The following TRIB2 variants were observed in gnomAD, a reference collection of about 807,000 sequenced individuals.
TRIB2 encodes tribbles homolog 2.
A neutral mutation model predicts 26.8 loss-of-function variants in TRIB2; 2 were observed. The ratio of observed to expected loss-of-function variants is 0.07; its 90% CI spans 0.03 to 0.24. TRIB2 has a LOEUF of 0.24. Among genes scored for constraint, TRIB2 ranks in the 10% least tolerant of loss-of-function variants. The pLI, the probability that TRIB2 is intolerant of heterozygous loss-of-function variation, is 1.00. For missense variants in TRIB2, 306 were observed against 449.0 expected, an observed-to-expected ratio of 0.68 and a Z score of 2.88; for synonymous variants, 189 against 187.3, an observed-to-expected ratio of 1.01 and a Z score of -0.08.
rs1289860098 is a variant in TRIB2 at position 12,740,584 on chromosome 2, A to G, written c.822A>G (p.Pro274=). Residue 274 remains proline (P), a synonymous_variant, in exon 3 of 3, where the codon CCA becomes CCG. Transcript: ENST00000155926. This position sits in a 1 kb window ranked among gnomAD's most constrained non-coding sequence, Gnocchi z 5.8. ...SKIRRGQFNI[P]ETLSPKAKCL... ...TCCGGCGTGGCCAGTTCAACATTCC[A>G]GAGACTCTGTCGCCCAAGGCCAAGT... The G allele has an allele frequency of 6.2e-7, 1 of 1,614,066 alleles. No individual in the cohort carries two copies. The highest frequency in any genetic ancestry group is 1.3e-5 in the African/African-American group (1 of 74,948).
chr2:12,723,653 C>A, intron 2 of TRIB2, 101 bp downstream of exon 2: 1 of 1,379,520 alleles, frequency 7.2e-7, no homozygotes, highest in Non-Finnish European at 9.8e-7. Flanking sequence ...CGTCTGTGGT[C>A]CAGATGAGGG....
chr2:12,733,441 T>A (rs1402732921), intron 2 of TRIB2, among the ~76,000 whole-genome samples: 1 of 152,234 alleles, frequency 6.6e-6, no homozygotes, highest in Non-Finnish European at 1.5e-5. Flanking sequence ...GACAATGGCG[T>A]TAGAGTCCAG....
Position 12,740,411 on chromosome 2 carries a change from G to C in TRIB2, c.649G>C (p.Ala217Pro). ...CCTCTCCGACAAGCATGGCTGCCCG[G>C]CTTACGTAAGCCCAGAGATCTTGAA... is the stretch of plus-strand genomic sequence containing the variant. ...DSLSDKHGCPAYVSPEILNTS... is the reference protein window; with the variant it reads ...DSLSDKHGCPPYVSPEILNTS... The change falls in exon 3 of 3, where the codon GCT (alanine) becomes CCT (proline). Residue 217 changes from alanine (A) to proline (P), a missense_variant. Coordinates refer to ENST00000155926, the MANE Select transcript of TRIB2 (RefSeq NM_021643.4). This position sits in a 1 kb window ranked among gnomAD's most constrained non-coding sequence, Gnocchi z 5.8. 1 of 1,614,150 alleles carries C rather than the reference G, an allele frequency of 6.2e-7. No individual in the cohort carries two copies. The highest frequency in any genetic ancestry group is 8.5e-7 in the Non-Finnish European group (1 of 1,180,026).
At chr2:12,719,421 T>C (rs1666676118) in intron 1 of TRIB2, among the ~76,000 whole-genome samples, 1 of 152,114 alleles carries the variant, frequency 6.6e-6, no homozygotes, top group African/African-American at 2.4e-5. Context: ...TATATGTGTG[T>C]CTGTGTATCT....
At chr2:12,719,014 G>A (rs1666664854) in intron 1 of TRIB2, among the ~76,000 whole-genome samples, 2 of 152,206 alleles carry the variant, frequency 1.3e-5, no homozygotes. Context: ...CAGCGGGCAG[G>A]TGTTAAACCT....
chr2:12,721,413 C>T (rs987166356), intron 1 of TRIB2, among the ~76,000 whole-genome samples: 9 of 152,184 alleles, frequency 5.9e-5, no homozygotes, highest in African/African-American at 2.2e-4. Context: ...AAGCTGCAAC[C>T]TGGTATTTCA....
In TRIB2 at chr2:12,732,123, T is replaced by C. The variant is rs964836821; in HGVS notation, c.564-8203T>C. Among the ~76,000 whole-genome samples the C allele has an allele frequency of 6.6e-6, 1 of 152,120 alleles. No individual in the cohort carries two copies. Among genetic ancestry groups the C allele is most frequent in the Non-Finnish European group, 1.5e-5 (1 of 68,016 alleles). On this transcript the variant is annotated intron_variant, in intron 2 of 2. Transcript: ENST00000155926. The surrounding 1 kb of genome is among the most constrained non-coding windows in gnomAD (Gnocchi z 4.2). ...TGAAGCCCTGGCGGCCTGCAGGCTG[T>C]GCTTGTGTGGTGTCTGCATGGGGGC... is the stretch of plus-strand genomic sequence containing the variant.
chr2:12,736,266 C>T (rs1180155355), intron 2 of TRIB2, among the ~76,000 whole-genome samples: 1 of 152,026 alleles, frequency 6.6e-6, no homozygotes, highest in African/African-American at 2.4e-5. Context: ...GTGGCAAAGG[C>T]CTCAGAAGGA....
chr2:12,731,268 C>T (rs1484159622), intron 2 of TRIB2, among the ~76,000 whole-genome samples: 1 of 152,080 alleles, frequency 6.6e-6, no homozygotes, highest in East Asian at 1.9e-4. Context: ...AAGCCAGAGG[C>T]ACAAAGAGCC....
Position 12,717,904 on chromosome 2 carries a change from C to A in TRIB2, c.-404C>A. 4.1e-6 allele frequency: 1 copy of A among 242,762 alleles called. No homozygotes were observed. The highest frequency in any genetic ancestry group is 7.9e-6 in the Non-Finnish European group (1 of 126,242). 15.0% of individuals were successfully genotyped at this position (242,762 alleles called of 1,614,324 possible). On this transcript the variant is annotated 5_prime_UTR_variant, in exon 1 of 3. Transcript: ENST00000155926. The surrounding 1 kb of genome is among the most constrained non-coding windows in gnomAD (Gnocchi z 4.8). Reference sequence around the variant, plus strand: ...CAAACTACCGCGGGCTCCTCCGCCCCGTCTGCGATTCGGAAGCCGGCCTGG... The same window carrying A: ...CAAACTACCGCGGGCTCCTCCGCCCAGTCTGCGATTCGGAAGCCGGCCTGG...
In TRIB2 at chr2:12,741,035, T is replaced by G; in HGVS notation, c.*241T>G. 1 of 495,782 alleles carries G rather than the reference T, an allele frequency of 2.0e-6. No individual in the cohort carries two copies. Among genetic ancestry groups the G allele is most frequent in the East Asian group, 3.5e-5 (1 of 28,942 alleles). The allele number at this position is 495,782 out of a possible 1,614,324, so 30.7% of individuals were successfully genotyped here. On this transcript the variant is annotated 3_prime_UTR_variant, in exon 3 of 3. Transcript: ENST00000155926. ...CCGCTGGAGCTTGTCTTCCCTAACA[T>G]AGCCTGGGAGACCACCCCTTGCCAC...
intron 2 of TRIB2, among the ~76,000 whole-genome samples, chr2:12,729,692 T>C (rs753249678): frequency 5.9e-5 from 9 of 152,208 alleles, no homozygotes; most frequent in Non-Finnish European, 1.2e-4. Context: ...TCCATGCTTA[T>C]AAGTAGACTA....
chr2:12,717,703 C>T lies in TRIB2; in HGVS notation c.-605C>T, dbSNP rs1666624092. On this transcript the variant is annotated 5_prime_UTR_variant, in exon 1 of 3. Coordinates refer to ENST00000155926, the MANE Select transcript of TRIB2 (RefSeq NM_021643.4). This position sits in a 1 kb window ranked among gnomAD's most constrained non-coding sequence, Gnocchi z 4.8. The stretch of plus-strand genomic sequence containing the variant: ...GTTAAAACGTAGGTAACTGCCCTCT[C>T]CCGCACCCCCCCCTTACACGCCCCC... 3 of 389,100 alleles carry T rather than the reference C, an allele frequency of 7.7e-6. No homozygotes were observed. The highest frequency in any genetic ancestry group is 4.5e-5 in the Admixed American group (1 of 22,424). 24.1% of individuals were successfully genotyped at this position (389,100 alleles called of 1,614,324 possible). A position where few individuals can be genotyped will look rare whatever the true frequency, so the allele number is the denominator to read the frequency against.
intron 2 of TRIB2, among the ~76,000 whole-genome samples, chr2:12,735,668 T>C (rs1004673500): frequency 6.6e-6 from 1 of 152,172 alleles, no homozygotes; most frequent in African/African-American, 2.4e-5. Flanking sequence ...ATAGATGACA[T>C]CTGCCGTTTG....
chr2:12,724,073 G>A (rs535501848), intron 2 of TRIB2, among the ~76,000 whole-genome samples: 2 of 152,322 alleles, frequency 1.3e-5, no homozygotes, highest in Admixed American at 6.5e-5. Flanking sequence ...ATAGAGGTCC[G>A]TGCTGGGTGG....
At position 12,722,250 on chromosome 2, in the gene TRIB2, A is replaced by G. The variant is rs143237005; in HGVS notation, c.271-1010A>G. On this transcript the variant is annotated intron_variant, in intron 1 of 2. Transcript: ENST00000155926. ...AAATCATTGTGAACTGATAGCATGC[A>G]GTGTATTGTTAGGGCGTTCCTGCCT... Among the ~76,000 whole-genome samples the G allele has an allele frequency of 4.9e-3, 751 of 152,340 alleles. 3 individuals carry two copies. Among genetic ancestry groups the G allele is most frequent in the African/African-American group, 0.017 (710 of 41,578 alleles).
chr2:12,740,754 A>G lies in TRIB2; in HGVS notation c.992A>G (p.Asp331Gly). Residue 331 changes from aspartate to glycine, a missense_variant, in exon 3 of 3, where the codon GAC (aspartate) becomes GGC (glycine). Coordinates refer to ENST00000155926, the MANE Select transcript of TRIB2 (RefSeq NM_021643.4). The surrounding 1 kb of genome is among the most constrained non-coding windows in gnomAD (Gnocchi z 5.8). ...AKEVSDQLVPDVNMEENLDPF... is the reference protein window; with the variant it reads ...AKEVSDQLVPGVNMEENLDPF... ...GAAGTGTCTGACCAGCTGGTGCCGG[A>G]CGTCAACATGGAAGAGAACTTGGAC... The G allele has an allele frequency of 6.2e-7, 1 of 1,614,174 alleles. No homozygotes were observed. Among genetic ancestry groups the G allele is most frequent in the South Asian group, 1.1e-5 (1 of 91,084 alleles).
chr2:12,731,717 G>T lies in TRIB2; in HGVS notation c.563+8165G>T, dbSNP rs933346630. 2.0e-5 allele frequency among the ~76,000 whole-genome samples: 3 copies of T among 152,180 alleles called. No homozygotes were observed. The South Asian group carries it at 6.2e-4, about 32-fold the overall frequency. ...GCGCACATCTCCACAAGCCTGTGTG[G>T]GGCTCCCTGTCAAGTGCAGCGTCCC... On this transcript the variant is annotated intron_variant, in intron 2 of 2. Coordinates refer to ENST00000155926, the MANE Select transcript of TRIB2 (RefSeq NM_021643.4).
rs772434910 is a variant in TRIB2 at position 12,740,292 on chromosome 2, C to G, written c.564-34C>G. ...CTGGTGGTAACGTGTCTCTGAGCAC[C>G]CTCAGGAGCTTATGTTTTCCTCCTT... On this transcript the variant is annotated intron_variant, in intron 2 of 2. Transcript: ENST00000155926. The surrounding 1 kb of genome is among the most constrained non-coding windows in gnomAD (Gnocchi z 5.8). 6 of 1,598,322 alleles carry G rather than the reference C, an allele frequency of 3.8e-6. No homozygotes were observed. In the South Asian group the frequency reaches 6.7e-5, roughly 18 times the overall value.
Sources: allele counts gnomAD v4.1 joint callset (sites outside exome capture counted in the v4.1 genomes callset), GRCh38; gene constraint gnomAD v4.1.1; non-coding constraint Gnocchi (gnomAD v3.1); transcripts MANE v1.5; gene names NCBI Gene and HGNC (gene_info 2026-07-23, HGNC 2026-07-21).